ELP3: variants seen among roughly 807,000 people sequenced by gnomAD.
ELP3 encodes elongator complex protein 3.
ELP3 carries 56 observed loss-of-function variants against 74.9 expected under a neutral mutation model. The observed-to-expected ratio is 0.75, with a 90% CI of 0.60 to 0.93. The LOEUF (loss-of-function observed/expected upper bound fraction) is 0.93. Among genes scored for constraint, ELP3 ranks in the 40% least tolerant of loss-of-function variants. The pLI, the probability that ELP3 is intolerant of heterozygous loss-of-function variation, is 0.00. For missense variants in ELP3, 573 were observed against 686.5 expected (o/e 0.83, Z 1.85); for synonymous variants, 222 against 239.8 (o/e 0.93, Z 0.68).
At chr8:28,104,232 A>G (rs1285834206) in intron 3 of ELP3, among the ~76,000 whole-genome samples, 3 of 152,128 alleles carry the variant, frequency 2.0e-5, no homozygotes. Flanking sequence ...AGTTCTTTGT[A>G]TATCTTAGCT....
intron 11 of ELP3, among the ~76,000 whole-genome samples, chr8:28,157,998 T>TTTCCTTCCTTCCTTCC (rs796269743): frequency 6.7e-6 from 1 of 149,696 alleles, no homozygotes; most frequent in Non-Finnish European, 1.5e-5. Context: ...TCCTTCCTTC[T>TTTCCTTCCTTCCTTCC]TTCCTTCCTT....
At chr8:28,105,849 G>A (rs991909892) in intron 3 of ELP3, among the ~76,000 whole-genome samples, 2 of 152,070 alleles carry the variant, frequency 1.3e-5, no homozygotes, top group Admixed American at 6.6e-5. Context: ...CCAATCTTGC[G>A]TCTCTGCCAC....
intron 6 of ELP3, among the ~76,000 whole-genome samples, chr8:28,111,594 C>T (rs572374225): frequency 5.3e-5 from 8 of 152,370 alleles, no homozygotes; most frequent in Admixed American, 2.6e-4. Flanking sequence ...GGAGAGGACT[C>T]CATCTGGGGG....
At chr8:28,138,653 C>T (rs1045972395) in intron 10 of ELP3, among the ~76,000 whole-genome samples, 4 of 152,296 alleles carry the variant, frequency 2.6e-5, no homozygotes, top group African/African-American at 9.6e-5. Flanking sequence ...TAGAGCAGGA[C>T]TCCACTGAGC....
chr8:28,162,583 C>T (rs1471842358), intron 14 of ELP3, among the ~76,000 whole-genome samples: 1 of 152,128 alleles, frequency 6.6e-6, no homozygotes, highest in Admixed American at 6.5e-5. Context: ...AAAAAGTTTT[C>T]CCCAGCCCTC....
At chr8:28,133,341 C>T (rs1012581384) in intron 9 of ELP3, among the ~76,000 whole-genome samples, 3 of 151,206 alleles carry the variant, frequency 2.0e-5, no homozygotes, top group East Asian at 1.9e-4. Flanking sequence ...ATTATGGACT[C>T]ATTGGTTTTT....
At chr8:28,117,808 A>T (rs1005475923) in intron 7 of ELP3, among the ~76,000 whole-genome samples, 3 of 151,990 alleles carry the variant, frequency 2.0e-5, no homozygotes, top group African/African-American at 7.3e-5. Context: ...CTCATAATAG[A>T]GTTTGTATTT....
chr8:28,154,893 A>G (rs1251523622), intron 10 of ELP3, among the ~76,000 whole-genome samples: 2 of 152,180 alleles, frequency 1.3e-5, no homozygotes, highest in Non-Finnish European at 2.9e-5. Flanking sequence ...ATTTTGACTT[A>G]TCTTTGATTT....
chr8:28,185,554 T>G (rs1395624774), intron 14 of ELP3, among the ~76,000 whole-genome samples: 3 of 151,662 alleles, frequency 2.0e-5, no homozygotes, highest in Admixed American at 2.0e-4. Flanking sequence ...GAACTCTAAT[T>G]AAGGCACACA....
At chr8:28,107,483 G>T (rs10113771) in intron 4 of ELP3, among the ~76,000 whole-genome samples, 1 of 152,080 alleles carries the variant, frequency 6.6e-6, no homozygotes, top group Admixed American at 6.5e-5. Flanking sequence ...ATCCTTATAC[G>T]TAACCTTTAG....
At chr8:28,110,786 G>C (rs1291108178) in intron 6 of ELP3, 5 of 221,952 alleles carry the variant, frequency 2.3e-5, no homozygotes, top group Non-Finnish European at 4.4e-5. Flanking sequence ...GTCAGATTAA[G>C]AAGTATTTTG....
At position 28,164,626 on chromosome 8, in the gene ELP3, T is replaced by C. The variant is rs578230270; in HGVS notation, c.1567+2548T>C. ...GGGGAAACTACGTACGCCTGGACTTTCTGTTTGACTTAAGCTCTGGTCACC... is the reference window on the plus strand; with the variant it reads ...GGGGAAACTACGTACGCCTGGACTTCCTGTTTGACTTAAGCTCTGGTCACC... On this transcript the variant is annotated intron_variant, in intron 14 of 14. Coordinates refer to ENST00000256398, the MANE Select transcript of ELP3 (RefSeq NM_018091.6). 9.9e-5 allele frequency among the ~76,000 whole-genome samples: 15 copies of C among 152,148 alleles called. No individual in the cohort carries two copies. In the South Asian group the frequency reaches 2.7e-3, roughly 27 times the overall value.
intron 14 of ELP3, among the ~76,000 whole-genome samples, chr8:28,175,678 T>G (rs1814717722): frequency 6.6e-6 from 1 of 152,342 alleles, no homozygotes; most frequent in Admixed American, 6.5e-5. Context: ...TTCCCTGTTC[T>G]TTGTATGCTT....
chr8:28,166,345 A>G (rs1318851072), intron 14 of ELP3, among the ~76,000 whole-genome samples: 1 of 152,242 alleles, frequency 6.6e-6, no homozygotes, highest in Non-Finnish European at 1.5e-5. Flanking sequence ...TTTTTTACAT[A>G]TAAAAATGGA....
At chr8:28,180,200 C>G (rs749679147) in intron 14 of ELP3, among the ~76,000 whole-genome samples, 1 of 148,620 alleles carries the variant, frequency 6.7e-6, no homozygotes, top group African/African-American at 2.4e-5. Context: ...TTTGCAGCCT[C>G]TAACACATGC....
At chr8:28,165,230 T>C (rs888616655) in intron 14 of ELP3, among the ~76,000 whole-genome samples, 18 of 152,224 alleles carry the variant, frequency 1.2e-4, no homozygotes, top group African/African-American at 4.3e-4. Flanking sequence ...TCTTCTTTAG[T>C]TCTCAGCATG....
At chr8:28,162,267 G>A (rs913852208) in intron 14 of ELP3, among the ~76,000 whole-genome samples, 189 bp downstream of exon 14, 1 of 152,166 alleles carries the variant, frequency 6.6e-6, no homozygotes, top group Non-Finnish European at 1.5e-5. Context: ...AGATTTCCGA[G>A]CCCTCTGAGA....
chr8:28,105,396 G>GA (rs1401727808), intron 3 of ELP3, among the ~76,000 whole-genome samples: 2 of 151,534 alleles, frequency 1.3e-5, no homozygotes, highest in East Asian at 1.9e-4. Context: ...TCTCAAAAAG[G>GA]AAAAAAAAGG....
At chr8:28,173,844 T>G (rs1170554621) in intron 14 of ELP3, among the ~76,000 whole-genome samples, 1 of 152,084 alleles carries the variant, frequency 6.6e-6, no homozygotes, top group Middle Eastern at 3.2e-3. Context: ...ATTTTCCTTG[T>G]GATTTCTTCT....
Sources: allele counts gnomAD v4.1 joint callset (sites outside exome capture counted in the v4.1 genomes callset), GRCh38; gene constraint gnomAD v4.1.1; transcripts MANE v1.5; gene names NCBI Gene and HGNC (gene_info 2026-07-23, HGNC 2026-07-21).